The following LRMDA variants were observed in gnomAD, a reference collection of about 807,000 sequenced individuals.
The protein encoded by LRMDA is leucine-rich melanocyte differentiation-associated protein.
LRMDA carries 18 observed loss-of-function variants against 29.8 expected under a neutral mutation model. That is an observed-to-expected ratio of 0.60 (90% confidence interval 0.42 to 0.90). LRMDA has a LOEUF of 0.90. Ranked by LOEUF, LRMDA falls within the 40% of genes least tolerant of loss-of-function variation. LRMDA has a pLI of 0.00. For synonymous variants in LRMDA, 125 were observed against 109.4 expected (o/e 1.14, Z -0.89); for missense variants, 273 against 273.9 (o/e 1.00, Z 0.02).
intron 6 of LRMDA, among the ~76,000 whole-genome samples, chr10:76,425,806 A>G (rs1842119079): frequency 7.0e-6 from 1 of 142,088 alleles, no homozygotes; most frequent in South Asian, 2.2e-4. Context: ...CCTGTGTCCA[A>G]GTGTTCTCAT....
intron 5 of LRMDA, among the ~76,000 whole-genome samples, chr10:76,206,772 A>G (rs1472067749): frequency 1.3e-5 from 2 of 152,146 alleles, no homozygotes; most frequent in African/African-American, 4.8e-5. Context: ...CATGCCTGGC[A>G]TACCTCCGAT....
chr10:75,766,988 G>C (rs1276159912), intron 2 of LRMDA, among the ~76,000 whole-genome samples: 1 of 152,032 alleles, frequency 6.6e-6, no homozygotes, highest in Non-Finnish European at 1.5e-5. Flanking sequence ...CTTTTTTATG[G>C]CTGTATAATA....
chr10:75,794,541 A>G (rs1253317167), intron 2 of LRMDA, among the ~76,000 whole-genome samples: 1 of 152,178 alleles, frequency 6.6e-6, no homozygotes, highest in Non-Finnish European at 1.5e-5. Flanking sequence ...TGATTGTGCC[A>G]TTTATACTTC....
chr10:76,096,121 GA>G (rs1849308153), intron 5 of LRMDA, among the ~76,000 whole-genome samples: 1 of 152,046 alleles, frequency 6.6e-6, no homozygotes, highest in Non-Finnish European at 1.5e-5. Flanking sequence ...TTTAAAGTTT[GA>G]TAAAGTCCAC....
intron 2 of LRMDA, among the ~76,000 whole-genome samples, chr10:75,743,147 G>A (rs372227591): frequency 6.6e-6 from 1 of 152,100 alleles, no homozygotes; most frequent in African/African-American, 2.4e-5. Context: ...TAAGAGATGA[G>A]GTGGGAAGGA....
intron 5 of LRMDA, among the ~76,000 whole-genome samples, chr10:76,235,445 T>TA (rs1166991611): frequency 1.3e-5 from 2 of 152,134 alleles, no homozygotes; most frequent in African/African-American, 4.8e-5. Context: ...TTGGTAGACT[T>TA]ACTAGATGCA....
chr10:76,009,546 C>A (rs1486765568), intron 2 of LRMDA, among the ~76,000 whole-genome samples: 1 of 152,180 alleles, frequency 6.6e-6, no homozygotes, highest in Non-Finnish European at 1.5e-5. Context: ...CAGGAGCTCG[C>A]AACCTTGCTC....
rs138646077 is a variant in LRMDA, at chr10:75,879,186, G to A, written c.132-156822G>A. Among the ~76,000 whole-genome samples, 14 of 152,318 alleles carry A rather than the reference G, an allele frequency of 9.2e-5. No homozygotes were observed. The East Asian group carries it at 1.7e-3, about 19-fold the overall frequency. Reference sequence around the variant, plus strand: ...TTGAGTGATGCAGGGTGGTGGCGGCGTGAGGAGTGGGCTGGCATTTTCTCA... The same window carrying A: ...TTGAGTGATGCAGGGTGGTGGCGGCATGAGGAGTGGGCTGGCATTTTCTCA... On this transcript the variant is annotated intron_variant, in intron 2 of 6. Transcript: ENST00000611255.
chr10:76,480,657 T>G (rs1479095625), intron 6 of LRMDA, among the ~76,000 whole-genome samples: 1 of 151,946 alleles, frequency 6.6e-6, no homozygotes, highest in Non-Finnish European at 1.5e-5. Flanking sequence ...CTAGATGAAA[T>G]AAAACAACCA....
At chr10:75,924,245 C>A (rs1375508807) in intron 2 of LRMDA, among the ~76,000 whole-genome samples, 1 of 152,088 alleles carries the variant, frequency 6.6e-6, no homozygotes, top group Admixed American at 6.6e-5. Context: ...TGGGATTTGA[C>A]AACATCATAT....
At chr10:76,321,532 CTTTT>C (rs79862487) in intron 5 of LRMDA, among the ~76,000 whole-genome samples, 5 of 145,756 alleles carry the variant, frequency 3.4e-5, no homozygotes, top group African/African-American at 9.8e-5. Context: ...TAAAGACATT[CTTTT>C]TTTTTTTTTA....
At chr10:75,655,886 C>T (rs1841668238) in intron 2 of LRMDA, among the ~76,000 whole-genome samples, 1 of 152,100 alleles carries the variant, frequency 6.6e-6, no homozygotes, top group Non-Finnish European at 1.5e-5. Context: ...CCTTCACCTG[C>T]ACATCCCTCA....
At chr10:75,940,039 G>A (rs924390374) in intron 2 of LRMDA, among the ~76,000 whole-genome samples, 5 of 152,170 alleles carry the variant, frequency 3.3e-5, no homozygotes, top group Non-Finnish European at 7.3e-5. Flanking sequence ...TAAAATGGGA[G>A]AGGGCACATT....
At chr10:75,471,585 A>G (rs1273609595) in intron 2 of LRMDA, among the ~76,000 whole-genome samples, 2 of 152,202 alleles carry the variant, frequency 1.3e-5, no homozygotes, top group Non-Finnish European at 2.9e-5. Context: ...ATCCCTTGAT[A>G]ATGCTACATA....
chr10:76,196,924 GCAA>G (rs1851340620), intron 5 of LRMDA, among the ~76,000 whole-genome samples: 1 of 152,152 alleles, frequency 6.6e-6, no homozygotes, highest in Non-Finnish European at 1.5e-5. Context: ...ACCTTATGGT[GCAA>G]CCCTTTTCTC....
intron 6 of LRMDA, among the ~76,000 whole-genome samples, chr10:76,545,225 C>A (rs970071104): frequency 6.8e-6 from 1 of 147,500 alleles, no homozygotes; most frequent in Admixed American, 6.8e-5. Flanking sequence ...AACAAGAAAG[C>A]AAATTGTCTT....
At chr10:75,718,567 A>G (rs1037284209) in intron 2 of LRMDA, among the ~76,000 whole-genome samples, 4 of 152,372 alleles carry the variant, frequency 2.6e-5, no homozygotes, top group South Asian at 2.1e-4. Context: ...GAAGGATTTC[A>G]TAATGCACCA....
At chr10:76,083,791 G>C (rs900589687) in intron 5 of LRMDA, among the ~76,000 whole-genome samples, 7 of 144,986 alleles carry the variant, frequency 4.8e-5, no homozygotes, top group African/African-American at 1.8e-4. Flanking sequence ...CTGAGATCGC[G>C]CCATTGCACT....
intron 2 of LRMDA, among the ~76,000 whole-genome samples, chr10:75,622,467 C>A (rs546421011): frequency 6.6e-6 from 1 of 152,124 alleles, no homozygotes; most frequent in Non-Finnish European, 1.5e-5. Context: ...CCTTATCTAC[C>A]GTTTTTACTT....
Sources: gnomAD v4.1 joint callset for allele counts (sites outside exome capture counted in the v4.1 genomes callset) on GRCh38, gnomAD v4.1.1 for gene constraint, MANE v1.5 for transcripts, NCBI Gene and HGNC (gene_info 2026-07-23, HGNC 2026-07-21) for gene names.